The following ABCC1 variants were observed in gnomAD, a reference collection of about 807,000 sequenced individuals.
The protein encoded by ABCC1 is multidrug resistance-associated protein 1.
Under a neutral mutation model 172.9 loss-of-function variants are expected in ABCC1, and 83 were observed. The observed-to-expected ratio is 0.48, with a 90% CI of 0.40 to 0.58. The LOEUF (loss-of-function observed/expected upper bound fraction) is 0.58, where lower values mean the gene tolerates loss of function less well. Ranked by LOEUF, ABCC1 falls within the 20% of genes least tolerant of loss-of-function variation. ABCC1 has a pLI of 0.00. For synonymous variants in ABCC1, 937 were observed against 825.2 expected, an observed-to-expected ratio of 1.14 and a Z score of -2.32; for missense variants, 1,817 against 2,002.7, an observed-to-expected ratio of 0.91 and a Z score of 1.77.
chr16:16,011,876 C>T (rs1165674084), intron 3 of ABCC1, among the ~76,000 whole-genome samples: 1 of 152,064 alleles, frequency 6.6e-6, no homozygotes, highest in African/African-American at 2.4e-5. Context: ...ACCATGTTGG[C>T]CAGGCTGGTC....
Position 16,045,845 on chromosome 16 carries a change from C to T in ABCC1, c.1050C>T (p.Ile350=). The change falls in exon 9 of 31, where the codon ATC becomes ATT. Residue 350 remains isoleucine (I), a synonymous_variant. Transcript: ENST00000399410. The stretch of plus-strand genomic sequence containing the variant: ...CTTTGCTCCTTTGCAGGTTGCTCAT[C>T]AAGTTCGTGAATGACACGAAGGCCC... ...FSGPQILKLL[I]KFVNDTKAPD... is the part of the protein sequence containing the mutation. 6.2e-7 allele frequency: 1 copy of T among 1,614,108 alleles called. No individual in the cohort carries two copies. The highest frequency in any genetic ancestry group is 8.5e-7 in the Non-Finnish European group (1 of 1,179,996).
intron 11 of ABCC1, among the ~76,000 whole-genome samples, chr16:16,055,347 C>A (rs893636837): frequency 6.6e-6 from 1 of 151,906 alleles, no homozygotes; most frequent in South Asian, 2.1e-4. Context: ...GTCAGGAGTT[C>A]GAAACCAGCC....
intron 1 of ABCC1, among the ~76,000 whole-genome samples, chr16:15,975,189 A>G (rs2046456163): frequency 6.6e-6 from 1 of 152,194 alleles, no homozygotes; most frequent in Non-Finnish European, 1.5e-5. Context: ...TCGCCCAAGA[A>G]TGTAAGCCCC....
chr16:16,117,311 A>G (rs2044931871), intron 23 of ABCC1, among the ~76,000 whole-genome samples: 2 of 152,132 alleles, frequency 1.3e-5, no homozygotes, highest in Non-Finnish European at 2.9e-5. Flanking sequence ...CCCCCTTATA[A>G]AACCATCAGA....
intron 28 of ABCC1, among the ~76,000 whole-genome samples, chr16:16,136,152 T>G (rs755488559): frequency 6.6e-6 from 1 of 151,936 alleles, no homozygotes; most frequent in Non-Finnish European, 1.5e-5. Flanking sequence ...GTCTCCTGAG[T>G]AGCTGGGACT....
At chr16:16,056,627 C>G in intron 12 of ABCC1, 1 of 346,014 alleles carries the variant, frequency 2.9e-6, no homozygotes, top group African/African-American at 2.1e-5. Context: ...CAAGATCACG[C>G]CAGTGCACTC....
chr16:16,010,218 C>T (rs997121118), intron 3 of ABCC1, among the ~76,000 whole-genome samples: 1 of 151,482 alleles, frequency 6.6e-6, no homozygotes, highest in Non-Finnish European at 1.5e-5. Context: ...TTATTTTTGG[C>T]TAATTTTAAA....
Position 16,050,909 on chromosome 16 carries a change from G to GA in ABCC1, c.1381-1805dup, listed in dbSNP as rs552932118. 9.2e-3 allele frequency among the ~76,000 whole-genome samples: 1,366 copies of GA among 149,056 alleles called. 17 individuals are homozygous for GA. Among genetic ancestry groups the GA allele is most frequent in the Non-Finnish European group, 0.013 (903 of 67,020 alleles). On this transcript the variant is annotated intron_variant, in intron 10 of 30. Coordinates refer to ENST00000399410, the MANE Select transcript of ABCC1 (RefSeq NM_004996.4). ...ACAAGGCAAGACCCTGTCTCTAGAA[G>GA]AAAAAAAAAATCTAAATAAAGTGTC...
At chr16:16,115,401 C>T (rs2044816866) in intron 23 of ABCC1, among the ~76,000 whole-genome samples, 1 of 152,112 alleles carries the variant, frequency 6.6e-6, no homozygotes, top group Non-Finnish European at 1.5e-5. Flanking sequence ...GTCACCCAGG[C>T]TGGAGTGCAG....
intron 4 of ABCC1, among the ~76,000 whole-genome samples, chr16:16,014,898 T>A (rs1215044731): frequency 2.0e-5 from 3 of 152,162 alleles, no homozygotes; most frequent in Non-Finnish European, 4.4e-5. Flanking sequence ...GCAGGAGCTG[T>A]GGGCCGATGC....
rs114119010 is a variant in ABCC1 at position 16,026,612 on chromosome 16, T to C, written c.616-6497T>C. Among the ~76,000 whole-genome samples, 841 of 151,056 alleles carry C rather than the reference T, an allele frequency of 5.6e-3. 10 individuals carry two copies. The highest frequency in any genetic ancestry group is 0.02 in the African/African-American group (807 of 41,084). Reference sequence around the variant, plus strand: ...GAAGAATTTGACAAAGCTCTTTGAGTGTGCAAATTAGAAATGGCAATTGCT... The same window carrying C: ...GAAGAATTTGACAAAGCTCTTTGAGCGTGCAAATTAGAAATGGCAATTGCT... On this transcript the variant is annotated intron_variant, in intron 5 of 30. Coordinates refer to ENST00000399410, the MANE Select transcript of ABCC1 (RefSeq NM_004996.4).
intron 14 of ABCC1, among the ~76,000 whole-genome samples, chr16:16,075,923 C>T (rs1453830546): frequency 6.6e-6 from 1 of 152,160 alleles, no homozygotes; most frequent in Non-Finnish European, 1.5e-5. Context: ...CATGTGGACG[C>T]CAGCTGTTTC....
rs1234615681 is a variant in ABCC1 at position 16,086,868 on chromosome 16, C to T, written c.2337C>T (p.Ala779=). The T allele has an allele frequency of 6.2e-7, 1 of 1,614,036 alleles. No individual in the cohort carries two copies. The highest frequency in any genetic ancestry group is 1.7e-5 in the Admixed American group (1 of 59,962). Residue 779 remains alanine (A), a synonymous_variant, in exon 18 of 31, where the codon GCC becomes GCT. Transcript: ENST00000399410. ...SGGQKQRVSL[A]RAVYSNADIY... ...GCCAGAAGCAGCGCGTGAGCCTGGC[C>T]CGGGCCGTGTACTCCAACGCTGACA...
chr16:16,089,363 A>T (rs947756266), intron 18 of ABCC1, among the ~76,000 whole-genome samples: 9 of 152,052 alleles, frequency 5.9e-5, no homozygotes, highest in African/African-American at 1.9e-4. Flanking sequence ...CCTGGACAAC[A>T]TGATGAGACC....
At chr16:15,989,068 CAAAAAAAAAAA>C (rs35441399) in intron 1 of ABCC1, among the ~76,000 whole-genome samples, 1 of 76,682 alleles carries the variant, frequency 1.3e-5, no homozygotes, top group African/African-American at 5.2e-5. Context: ...GACTCTGTCT[CAAAAAAAAAAA>C]AAAAAAAAAA....
chr16:16,107,149 A>AT (rs971051551), intron 21 of ABCC1, among the ~76,000 whole-genome samples: 4 of 152,120 alleles, frequency 2.6e-5, no homozygotes, highest in Non-Finnish European at 4.4e-5. Context: ...TGAGCAGCTC[A>AT]GGGGGGTCTC....
chr16:15,979,193 A>G (rs1055850587), intron 1 of ABCC1, among the ~76,000 whole-genome samples: 2 of 152,074 alleles, frequency 1.3e-5, no homozygotes, highest in African/African-American at 4.8e-5. Flanking sequence ...TGGGAGGCTG[A>G]GGCAGGAAAA....
At chr16:15,950,656 G>A (rs532800835) in intron 1 of ABCC1, among the ~76,000 whole-genome samples, 1 of 152,306 alleles carries the variant, frequency 6.6e-6, no homozygotes, top group South Asian at 2.1e-4. Context: ...CAGCTTCTCC[G>A]TAATGCGATT....
At chr16:16,107,207 G>A (rs560868743) in intron 21 of ABCC1, among the ~76,000 whole-genome samples, 33 of 152,298 alleles carry the variant, frequency 2.2e-4, no homozygotes, top group African/African-American at 7.5e-4. Context: ...TTCCTGCAAC[G>A]TGGGGTTCAG....
Sources: allele counts gnomAD v4.1 joint callset (sites outside exome capture counted in the v4.1 genomes callset), GRCh38; gene constraint gnomAD v4.1.1; transcripts MANE v1.5; gene names NCBI Gene and HGNC (gene_info 2026-07-23, HGNC 2026-07-21).